The following ADAMTS3 variants were observed in gnomAD, a reference collection of about 807,000 sequenced individuals.
The protein encoded by ADAMTS3 is A disintegrin and metalloproteinase with thrombospondin motifs 3.
In ADAMTS3, 73 loss-of-function variants were observed where a neutral mutation model predicts 129.0. The observed-to-expected ratio is 0.57, with a 90% CI of 0.47 to 0.69. The LOEUF is 0.69. ADAMTS3 is among the 30% of genes least tolerant of loss of function. The pLI, the probability that ADAMTS3 is intolerant of heterozygous loss-of-function variation, is 0.00. For synonymous variants in ADAMTS3, 477 were observed against 510.8 expected (o/e 0.93, Z 0.89); for missense variants, 1,457 against 1,514.5 (o/e 0.96, Z 0.63).
At chr4:72,320,273 T>C (rs893267565) in intron 7 of ADAMTS3, among the ~76,000 whole-genome samples, 4 of 152,168 alleles carry the variant, frequency 2.6e-5, no homozygotes, top group African/African-American at 9.7e-5. Context: ...GTGGTACTGA[T>C]GAAGGAAGCC....
chr4:72,497,105 T>A (rs1436299210), intron 3 of ADAMTS3, among the ~76,000 whole-genome samples: 1 of 151,508 alleles, frequency 6.6e-6, no homozygotes, highest in Non-Finnish European at 1.5e-5. Flanking sequence ...GTTTAATATA[T>A]CCACTAATTA....
At chr4:72,555,294 T>C (rs1401278495) in intron 2 of ADAMTS3, among the ~76,000 whole-genome samples, 1 of 151,768 alleles carries the variant, frequency 6.6e-6, no homozygotes, top group African/African-American at 2.4e-5. Flanking sequence ...ATCTCTCATA[T>C]TAGCCTACTG....
chr4:72,446,185 A>G (rs1364603006), intron 3 of ADAMTS3, among the ~76,000 whole-genome samples: 1 of 151,704 alleles, frequency 6.6e-6, no homozygotes, highest in Non-Finnish European at 1.5e-5. Context: ...TAGCAGTTCT[A>G]TAGGTGTCAA....
At position 72,382,247 on chromosome 4, in the gene ADAMTS3, T is replaced by C. The variant is rs185300605; in HGVS notation, c.661+32568A>G. 9.3e-5 allele frequency among the ~76,000 whole-genome samples: 14 copies of C among 151,030 alleles called. No homozygotes were observed. The East Asian group carries it at 2.3e-3, about 25-fold the overall frequency. On this transcript the variant is annotated intron_variant, in intron 4 of 21. Transcript: ENST00000286657. Reference sequence around the variant, plus strand: ...AGATGTTGAATATTTTAAAATTATATCTAATGACTACATAGTAGTCATGGA... The same window carrying C: ...AGATGTTGAATATTTTAAAATTATACCTAATGACTACATAGTAGTCATGGA...
rs1190524246 is a variant in ADAMTS3, at chr4:72,481,118, T to C, written c.505-66147A>G. ...TGAAACACTCAAGATAGTAAAGATT[T>C]CAGTTTTTCCCAAACTTGTGAACAA... On this transcript the variant is annotated intron_variant, in intron 3 of 21. Coordinates refer to ENST00000286657, the MANE Select transcript of ADAMTS3 (RefSeq NM_014243.3). Among the ~76,000 whole-genome samples the C allele has an allele frequency of 7.9e-5, 12 of 152,130 alleles. No individual in the cohort carries two copies. The East Asian group carries it at 1.5e-3, about 20-fold the overall frequency.
In ADAMTS3 at chr4:72,291,000, C is replaced by T. The variant is rs780251054; in HGVS notation, c.2786G>A (p.Arg929His). 20 of 1,613,862 alleles carry T rather than the reference C, an allele frequency of 1.2e-5. No individual in the cohort carries two copies. The highest frequency in any genetic ancestry group is 5.5e-5 in the South Asian group (5 of 91,084). ...GAGTGGCTGAAGGCAGCGTACAGTGCGAAGCTGATAGCCAGAACTTCCACA... is the reference window on the plus strand; with the variant it reads ...GAGTGGCTGAAGGCAGCGTACAGTGTGAAGCTGATAGCCAGAACTTCCACA... ...KTCGSSGYQL[R>H]TVRCLQPLLD... The change falls in exon 20 of 22, where the codon CGC (arginine) becomes CAC (histidine). Residue 929 changes from arginine (R) to histidine (H), a missense_variant. Physicochemically the swap from Arg to His is conservative, Grantham distance 29 (BLOSUM62 0). Coordinates refer to ENST00000286657, the MANE Select transcript of ADAMTS3 (RefSeq NM_014243.3).
intron 19 of ADAMTS3, 34 bp downstream of exon 19, chr4:72,295,620 A>C (rs770495313): frequency 6.3e-7 from 1 of 1,580,614 alleles, no homozygotes. Flanking sequence ...CCTGATTTTG[A>C]CCTCCAGATA....
chr4:72,411,899 A>G (rs559389168), intron 4 of ADAMTS3, among the ~76,000 whole-genome samples: 1 of 152,072 alleles, frequency 6.6e-6, no homozygotes, highest in Admixed American at 6.6e-5. Context: ...TTTTCCTTCA[A>G]TTTCTACCCA....
chr4:72,382,739 G>A (rs998885483), intron 4 of ADAMTS3, among the ~76,000 whole-genome samples: 2 of 152,158 alleles, frequency 1.3e-5, no homozygotes, highest in African/African-American at 4.8e-5. Flanking sequence ...CAACATGGAT[G>A]TAGCTGGAGG....
At chr4:72,496,581 T>C (rs1719878005) in intron 3 of ADAMTS3, among the ~76,000 whole-genome samples, 1 of 152,106 alleles carries the variant, frequency 6.6e-6, no homozygotes, top group Admixed American at 6.5e-5. Context: ...CTATGACCAC[T>C]ATGGAGCTTA....
intron 3 of ADAMTS3, among the ~76,000 whole-genome samples, chr4:72,529,662 A>T (rs992295774): frequency 1.5e-5 from 2 of 129,100 alleles, no homozygotes; most frequent in Admixed American, 2.0e-4. Context: ...ATATATATAT[A>T]AAATATTAAA....
chr4:72,381,769 CAGG>C (rs141530193), intron 4 of ADAMTS3, among the ~76,000 whole-genome samples: 1,972 of 116,316 alleles, frequency 0.017, 34 homozygotes, highest in African/African-American at 0.06. Context: ...TACCATTTTG[CAGG>C]AGTACAGCCC....
intron 4 of ADAMTS3, among the ~76,000 whole-genome samples, chr4:72,343,069 G>A (rs1246835709): frequency 1.3e-5 from 2 of 152,176 alleles, no homozygotes; most frequent in African/African-American, 4.8e-5. Context: ...TTATGGACAG[G>A]CTGGAGGTAG....
Position 72,295,744 on chromosome 4 carries a change from T to C in ADAMTS3, c.2633A>G (p.Asn878Ser). 1 of 1,612,884 alleles carries C rather than the reference T, an allele frequency of 6.2e-7. No individual in the cohort carries two copies. Among genetic ancestry groups the C allele is most frequent in the South Asian group, 1.1e-5 (1 of 91,032 alleles). The stretch of plus-strand genomic sequence containing the variant: ...ACAGAAGCTGCGATGGACCATTTTA[T>C]TATCACTTTTCCTACGGCATCCATA... The part of the protein sequence containing the change: ...TKYGCRRKSD[N>S]KMVHRSFCEA... The change falls in exon 19 of 22, where the codon AAT (asparagine) becomes AGT (serine). Residue 878 changes from asparagine (N) to serine (S), a missense_variant. By Grantham distance (46) the Asn-to-Ser change is conservative (BLOSUM62 1). Transcript: ENST00000286657.
At chr4:72,431,130 A>G (rs1016242880) in intron 3 of ADAMTS3, among the ~76,000 whole-genome samples, 1 of 152,048 alleles carries the variant, frequency 6.6e-6, no homozygotes, top group Non-Finnish European at 1.5e-5. Flanking sequence ...AGCAGAAGCA[A>G]TGCAAAAAGA....
At chr4:72,316,338 C>T (rs1719394816) in intron 10 of ADAMTS3, among the ~76,000 whole-genome samples, 1 of 152,026 alleles carries the variant, frequency 6.6e-6, no homozygotes, top group Non-Finnish European at 1.5e-5. Context: ...AGCTCTCAAG[C>T]TATCAAAATG....
At chr4:72,298,522 A>G (rs112253075) in intron 17 of ADAMTS3, 80 bp from the exon 18 acceptor site, 1 of 1,120,628 alleles carries the variant, frequency 8.9e-7, no homozygotes, top group South Asian at 2.0e-5. Flanking sequence ...ATTTCAGAAT[A>G]TTGCTCTTAT....
chr4:72,482,442 AC>A (rs1323771412), intron 3 of ADAMTS3, among the ~76,000 whole-genome samples: 1 of 152,140 alleles, frequency 6.6e-6, no homozygotes, highest in African/African-American at 2.4e-5. Flanking sequence ...AGTACCATTT[AC>A]ATACTGTTCT....
At chr4:72,406,324 G>A (rs73824598) in intron 4 of ADAMTS3, among the ~76,000 whole-genome samples, 5,324 of 152,162 alleles carry the variant, frequency 0.035, 181 homozygotes, top group African/African-American at 0.084. Flanking sequence ...GTTAATATAG[G>A]ATAATTTCAT....
Sources: allele counts gnomAD v4.1 joint callset (sites outside exome capture counted in the v4.1 genomes callset), GRCh38; gene constraint gnomAD v4.1.1; transcripts MANE v1.5; gene names NCBI Gene and HGNC (gene_info 2026-07-23, HGNC 2026-07-21).